The following KCNJ16 variants were observed in gnomAD, a reference collection of about 807,000 sequenced individuals.
The protein encoded by KCNJ16 is inward rectifier potassium channel 16.
A neutral mutation model predicts 18.5 loss-of-function variants in KCNJ16; 15 were observed. The ratio of observed to expected loss-of-function variants is 0.81; its 90% CI spans 0.54 to 1.25. The LOEUF is 1.25. Among genes scored for constraint, KCNJ16 ranks in the 50% most tolerant of loss-of-function variants. KCNJ16 has a pLI of 0.00. For missense variants in KCNJ16, 523 were observed against 525.7 expected (o/e 0.99, Z 0.05); for synonymous variants, 174 against 186.5 (o/e 0.93, Z 0.55).
In KCNJ16 at chr17:70,132,269, T is replaced by A. The variant is rs755755176; in HGVS notation, c.182T>A (p.Ile61Asn). 6 of 1,614,130 alleles carry A rather than the reference T, an allele frequency of 3.7e-6. No homozygotes were observed. The African/African-American group carries it at 8.0e-5, about 22-fold the overall frequency. The change falls in exon 4 of 4, where the codon ATC becomes AAC. Residue 61 changes from isoleucine to asparagine, a missense_variant. Ile to Asn is a moderately radical substitution (Grantham distance 149). Transcript: ENST00000392671. ...GAATGGGGAAGCTATGTGGTTGACA[T>A]CTTCACCACTCTTGTGGACACCAAG... ...FGEWGSYVVDIFTTLVDTKWR... is the reference protein window; with the variant it reads ...FGEWGSYVVDNFTTLVDTKWR...
At chr17:70,126,456 G>A (rs1231591739) in intron 2 of KCNJ16, among the ~76,000 whole-genome samples, 1 of 152,140 alleles carries the variant, frequency 6.6e-6, no homozygotes, top group Non-Finnish European at 1.5e-5. Context: ...AATAATTATT[G>A]AATGACTCTT....
intron 1 of KCNJ16, among the ~76,000 whole-genome samples, chr17:70,088,425 C>A (rs1444722018): frequency 6.6e-6 from 1 of 152,160 alleles, no homozygotes; most frequent in Non-Finnish European, 1.5e-5. Flanking sequence ...TGCTGTTCAC[C>A]GCCTGCTGTG....
At chr17:70,104,654 G>C (rs984861396) in intron 2 of KCNJ16, among the ~76,000 whole-genome samples, 1 of 152,198 alleles carries the variant, frequency 6.6e-6, no homozygotes, top group African/African-American at 2.4e-5. Context: ...GGGGTAATGT[G>C]TGGCCACTTT....
intron 1 of KCNJ16, among the ~76,000 whole-genome samples, chr17:70,100,027 C>T (rs762930849): frequency 5.3e-5 from 8 of 152,052 alleles, no homozygotes; most frequent in South Asian, 2.1e-4. Flanking sequence ...GAGGAAAGTC[C>T]GTTTAGCAGT....
chr17:70,123,132 GAAATATCC>G (rs759997475), intron 2 of KCNJ16, among the ~76,000 whole-genome samples: 5 of 152,134 alleles, frequency 3.3e-5, no homozygotes, highest in Non-Finnish European at 5.9e-5. Flanking sequence ...GTTCTTGGGA[GAAATATCC>G]AAATCTTTAC....
At chr17:70,093,947 A>G (rs895695899) in intron 1 of KCNJ16, among the ~76,000 whole-genome samples, 6 of 151,856 alleles carry the variant, frequency 4.0e-5, no homozygotes, top group African/African-American at 1.5e-4. Context: ...CACAAGGAGT[A>G]AGGAAAAAAA....
intron 1 of KCNJ16, among the ~76,000 whole-genome samples, chr17:70,098,534 A>G (rs1432187167): frequency 6.6e-6 from 1 of 150,640 alleles, no homozygotes; most frequent in Non-Finnish European, 1.5e-5. Flanking sequence ...TTTCCCTTTG[A>G]TTAAAAAAAA....
chr17:70,103,458 T>C (rs1301751980), intron 2 of KCNJ16, among the ~76,000 whole-genome samples: 1 of 151,316 alleles, frequency 6.6e-6, no homozygotes, highest in Non-Finnish European at 1.5e-5. Flanking sequence ...TGAGACACTA[T>C]GCCCGACCAC....
intron 1 of KCNJ16, among the ~76,000 whole-genome samples, chr17:70,094,127 C>T (rs2072247456): frequency 1.3e-5 from 2 of 152,256 alleles, no homozygotes; most frequent in East Asian, 1.9e-4. Flanking sequence ...CTCTTGTGCC[C>T]CAGACAGCCC....
intron 1 of KCNJ16, among the ~76,000 whole-genome samples, chr17:70,081,865 A>T (rs552770819): frequency 4.6e-5 from 7 of 152,212 alleles, no homozygotes; most frequent in Admixed American, 1.3e-4. Context: ...TTATTCACAA[A>T]GTAATACCAT....
At chr17:70,129,901 C>CATTT (rs36175135) in intron 2 of KCNJ16, among the ~76,000 whole-genome samples, 1,945 of 144,330 alleles carry the variant, frequency 0.013, 7 homozygotes, top group South Asian at 0.018. Flanking sequence ...TAAAACCTTT[C>CATTT]ATTTATTTAT....
At chr17:70,093,490 T>C (rs532315971) in intron 1 of KCNJ16, among the ~76,000 whole-genome samples, 1 of 152,314 alleles carries the variant, frequency 6.6e-6, no homozygotes, top group Admixed American at 6.5e-5. Context: ...CTAATGACTT[T>C]ATCATAACTT....
In KCNJ16 at chr17:70,133,087, G is replaced by A; in HGVS notation, c.1000G>A (p.Val334Ile). 6.2e-7 allele frequency: 1 copy of A among 1,614,160 alleles called. No individual in the cohort carries two copies. The highest frequency in any genetic ancestry group is 1.1e-5 in the South Asian group (1 of 91,082). ...CTTACAGTTTGAAGGAAGTGTGGAA[G>A]TATATGCCCCCTTTTGCAGTGCCAA... The part of the protein sequence containing the change: ...NCLQFEGSVE[V>I]YAPFCSAKQL... The change falls in exon 4 of 4, where the codon GTA becomes ATA. Residue 334 changes from valine (V) to isoleucine (I), a missense_variant. By Grantham distance (29) the Val-to-Ile change is conservative. Transcript: ENST00000392671.
intron 1 of KCNJ16, among the ~76,000 whole-genome samples, chr17:70,076,651 C>A (rs1366294864): frequency 6.6e-6 from 1 of 152,020 alleles, no homozygotes; most frequent in Admixed American, 6.6e-5. Flanking sequence ...TTTTTCTCAA[C>A]AAGAATTTCA....
At position 70,095,870 on chromosome 17, in the gene KCNJ16, C is replaced by CTCTTTTT. The variant is rs1567784556; in HGVS notation, c.-299-4787_-299-4786insCTTTTTT. On this transcript the variant is annotated intron_variant, in intron 1 of 3. Coordinates refer to ENST00000392671, the MANE Select transcript of KCNJ16 (RefSeq NM_170741.4). Reference sequence around the variant, plus strand: ...ATTTGGCATTTTATATTACTTAATCCTTTTTTTTTTTTTTTTTTTTTTTTT... The same window carrying CTCTTTTT: ...ATTTGGCATTTTATATTACTTAATCCTCTTTTTTTTTTTTTTTTTTTTTTTTTTTTTT... Among the ~76,000 whole-genome samples the CTCTTTTT allele has an allele frequency of 3.1e-5, 3 of 95,402 alleles. 1 individual carries two copies. Among genetic ancestry groups the CTCTTTTT allele is most frequent in the African/African-American group, 4.1e-5 (1 of 24,246 alleles). 62.6% of individuals were successfully genotyped at this position (95,402 alleles called of 152,430 possible).
chr17:70,097,926 T>C (rs2072455033), intron 1 of KCNJ16, among the ~76,000 whole-genome samples: 2 of 152,232 alleles, frequency 1.3e-5, no homozygotes, highest in Admixed American at 6.5e-5. Flanking sequence ...GACCAATCTG[T>C]TCTCAACACT....
intron 2 of KCNJ16, chr17:70,102,105 G>C (rs982587698): frequency 3.3e-5 from 5 of 151,420 alleles, no homozygotes; most frequent in Admixed American, 1.3e-4. Flanking sequence ...CATGCACAAA[G>C]GACCCAGTGG....
chr17:70,116,213 C>G (rs1434708200), intron 2 of KCNJ16, among the ~76,000 whole-genome samples: 1 of 151,964 alleles, frequency 6.6e-6, no homozygotes, highest in East Asian at 1.9e-4. Flanking sequence ...GTTTTTATAG[C>G]CCTGTTTTTA....
At chr17:70,116,765 A>G (rs1004503377) in intron 2 of KCNJ16, among the ~76,000 whole-genome samples, 1 of 152,218 alleles carries the variant, frequency 6.6e-6, no homozygotes, top group African/African-American at 2.4e-5. Flanking sequence ...ACCATCTCAC[A>G]CCAGTGAGAA....
Sources: gnomAD v4.1 joint callset for allele counts (sites outside exome capture counted in the v4.1 genomes callset) on GRCh38, gnomAD v4.1.1 for gene constraint, MANE v1.5 for transcripts, NCBI Gene and HGNC (gene_info 2026-07-23, HGNC 2026-07-21) for gene names.